The following CD82 variants were observed in gnomAD, a reference collection of about 807,000 sequenced individuals.
The protein encoded by CD82 is CD82 antigen.
A neutral mutation model predicts 37.4 loss-of-function variants in CD82; 36 were observed. The ratio of observed to expected loss-of-function variants is 0.96; its 90% confidence interval spans 0.74 to 1.27. The LOEUF (loss-of-function observed/expected upper bound fraction) is 1.27, where lower values mean the gene tolerates loss of function less well. CD82 is among the 50% of genes most tolerant of loss of function. CD82 has a pLI of 0.00. For synonymous variants in CD82, 158 were observed against 137.4 expected, an observed-to-expected ratio of 1.15 and a Z score of -1.05; for missense variants, 340 against 347.0, an observed-to-expected ratio of 0.98 and a Z score of 0.16.
Position 44,605,074 on chromosome 11 carries a change from G to A in CD82, c.153G>A (p.Ser51=), listed in dbSNP as rs777966335. The A allele has an allele frequency of 9.9e-6, 16 of 1,614,052 alleles. No homozygotes were observed. The highest frequency in any genetic ancestry group is 1.4e-5 in the Non-Finnish European group (16 of 1,180,040). ...FISVLQTSSS[S]LRMGAYVFIG... ...TCCCCCTAGAAACCTCCTCCAGCTC[G>A]CTTAGGATGGGGGCCTATGTCTTCA... is the stretch of plus-strand genomic sequence containing the variant. The change falls in exon 5 of 10, where the codon TCG becomes TCA. Residue 51 remains serine (S), a synonymous_variant. Transcript: ENST00000227155.
rs1231783438 is a variant in CD82 at position 44,619,640 on chromosome 11, C to T, written c.*514C>T. ...TTTAGCCGGGCGCGGTGGCGGGCAC[C>T]TGTAGTCCCAGCTACTTGGGAGGCT... is the stretch of plus-strand genomic sequence containing the variant. On this transcript the variant is annotated 3_prime_UTR_variant, in exon 10 of 10. Coordinates refer to ENST00000227155, the MANE Select transcript of CD82 (RefSeq NM_002231.4). 1 of 153,048 alleles carries T rather than the reference C, an allele frequency of 6.5e-6. No individual in the cohort carries two copies. Among genetic ancestry groups the T allele is most frequent in the Admixed American group, 6.5e-5 (1 of 15,398 alleles). 9.5% of individuals were successfully genotyped at this position (153,048 alleles called of 1,614,324 possible).
intron 1 of CD82, among the ~76,000 whole-genome samples, chr11:44,581,834 T>C (rs767867395): frequency 4.6e-5 from 7 of 152,216 alleles, no homozygotes; most frequent in Non-Finnish European, 8.8e-5. Flanking sequence ...CCTGGTTCCA[T>C]GTGCTGCTGT....
At chr11:44,600,364 G>C in intron 4 of CD82, 134 bp downstream of exon 4, 1 of 798,216 alleles carries the variant, frequency 1.3e-6, no homozygotes, top group Non-Finnish European at 2.1e-6. Flanking sequence ...GATGTGGCGA[G>C]GTCCTGCTGC....
rs1435068956 is a variant in CD82, at chr11:44,597,001, G to C, written c.63+2276G>C. On this transcript the variant is annotated intron_variant, in intron 3 of 9. Transcript: ENST00000227155. The surrounding 1 kb of genome is among the most constrained non-coding windows in gnomAD (Gnocchi z 4.1). ...AAAGGCTTCCTGGGGTTCTGGGTGT[G>C]GCTTTGGAGAGGGGGATCCTGGCAG... 2.2e-6 allele frequency: 1 copy of C among 456,216 alleles called. No individual in the cohort carries two copies. The allele number at this position is 456,216 out of a possible 1,614,324, so 28.3% of individuals were successfully genotyped here. A position where few individuals can be genotyped will look rare whatever the true frequency, so the allele number is the denominator to read the frequency against.
intron 7 of CD82, among the ~76,000 whole-genome samples, chr11:44,616,307 T>C (rs1853563455): frequency 6.6e-6 from 1 of 151,914 alleles, no homozygotes; most frequent in Admixed American, 6.6e-5. Flanking sequence ...AGATCAGGTG[T>C]GGGGGTTGTG....
chr11:44,618,784 GC>G, intron 9 of CD82, 61 bp downstream of exon 9: 1 of 1,440,596 alleles, frequency 6.9e-7, no homozygotes, highest in Non-Finnish European at 9.6e-7. Flanking sequence ...TCTCTGTTCT[GC>G]TGATCTCCTT....
chr11:44,609,052 C>T (rs751938205), intron 6 of CD82, among the ~76,000 whole-genome samples: 19 of 152,240 alleles, frequency 1.2e-4, no homozygotes, highest in Non-Finnish European at 2.2e-4. Flanking sequence ...CTGCTGCCCT[C>T]GTTGTCAGCA....
chr11:44,585,337 T>C (rs1490446454), intron 1 of CD82: 6 of 456,212 alleles, frequency 1.3e-5, no homozygotes, highest in East Asian at 1.4e-4. Flanking sequence ...AGGAACTTTA[T>C]AGATACAAAC....
chr11:44,593,927 G>A (rs1853181632), intron 2 of CD82, among the ~76,000 whole-genome samples: 1 of 151,864 alleles, frequency 6.6e-6, no homozygotes. Flanking sequence ...GAAGATTGTA[G>A]AATGAAAAAA....
chr11:44,597,016 G>T lies in CD82; in HGVS notation c.63+2291G>T, dbSNP rs754976758. On this transcript the variant is annotated intron_variant, in intron 3 of 9. Coordinates refer to ENST00000227155, the MANE Select transcript of CD82 (RefSeq NM_002231.4). This position sits in a 1 kb window ranked among gnomAD's most constrained non-coding sequence, Gnocchi z 4.1. ...TTCTGGGTGTGGCTTTGGAGAGGGG[G>T]ATCCTGGCAGCAGGGGCAGCCGGTG... 4.4e-6 allele frequency: 2 copies of T among 456,086 alleles called. No homozygotes were observed. Among genetic ancestry groups the T allele is most frequent in the Admixed American group, 2.3e-5 (1 of 42,584 alleles). The allele number at this position is 456,086 out of a possible 1,614,324, so 28.3% of individuals were successfully genotyped here. A position where few individuals can be genotyped will look rare whatever the true frequency, so the allele number is the denominator to read the frequency against.
intron 4 of CD82, 131 bp downstream of exon 4, chr11:44,600,361 C>T (rs1373720978): frequency 9.9e-6 from 8 of 810,502 alleles, no homozygotes; most frequent in South Asian, 4.8e-5. Context: ...AGGGATGTGG[C>T]GAGGTCCTGC....
At position 44,585,348 on chromosome 11, in the gene CD82, T is replaced by G. The variant is rs191859405; in HGVS notation, c.-102-2127T>G. On this transcript the variant is annotated intron_variant, in intron 1 of 9. Transcript: ENST00000227155. ...TGCCAGGAACTTTATAGATACAAAC[T>G]CTTTAAGCCTGACCACAACCCATTA... is the stretch of plus-strand genomic sequence containing the variant. 6 of 456,156 alleles carry G rather than the reference T, an allele frequency of 1.3e-5. No homozygotes were observed. In the East Asian group the frequency reaches 3.5e-4, roughly 26 times the overall value. 28.3% of individuals were successfully genotyped at this position (456,156 alleles called of 1,614,324 possible). A position where few individuals can be genotyped will look rare whatever the true frequency, so the allele number is the denominator to read the frequency against.
At position 44,618,414 on chromosome 11, in the gene CD82, G is replaced by T. The variant is rs369190882; in HGVS notation, c.642+49G>T. ...GGGCGGGGCTCCGAGGGCGTTGGGG[G>T]CCATCTGGGCTACTGCTCAGCAATT... On this transcript the variant is annotated intron_variant, in intron 8 of 9. Transcript: ENST00000227155. 6 of 1,513,662 alleles carry T rather than the reference G, an allele frequency of 4.0e-6. No individual in the cohort carries two copies. The African/African-American group carries it at 4.1e-5, about 10-fold the overall frequency. 93.8% of individuals were successfully genotyped at this position (1,513,662 alleles called of 1,614,324 possible).
intron 4 of CD82, 142 bp from the exon 5 acceptor site, chr11:44,604,916 G>T: frequency 8.6e-7 from 1 of 1,166,400 alleles, no homozygotes; most frequent in Non-Finnish European, 1.3e-6. Flanking sequence ...GTTCCCTGTT[G>T]GGCAGTGAGA....
intron 7 of CD82, among the ~76,000 whole-genome samples, chr11:44,617,420 G>A (rs867482894): frequency 2.6e-5 from 4 of 152,032 alleles, no homozygotes; most frequent in Non-Finnish European, 5.9e-5. Flanking sequence ...TTAGCCGGGC[G>A]TGATGGCGAG....
chr11:44,593,826 G>T (rs771399294), intron 2 of CD82, among the ~76,000 whole-genome samples: 4 of 152,062 alleles, frequency 2.6e-5, no homozygotes, highest in African/African-American at 7.2e-5. Flanking sequence ...GGGGGACTCT[G>T]TGAGCCCCCA....
chr11:44,611,349 G>A (rs183427726), intron 6 of CD82, among the ~76,000 whole-genome samples: 137 of 152,248 alleles, frequency 9.0e-4, no homozygotes, highest in South Asian at 2.3e-3. Context: ...CTCCCTTCTC[G>A]GGCAGGCTGT....
At position 44,619,141 on chromosome 11, in the gene CD82, C is replaced by T. The variant is rs1291506358; in HGVS notation, c.*15C>T. The T allele has an allele frequency of 1.9e-6, 3 of 1,607,138 alleles. No individual in the cohort carries two copies. The highest frequency in any genetic ancestry group is 2.2e-5 in the East Asian group (1 of 44,796). On this transcript the variant is annotated 3_prime_UTR_variant, in exon 10 of 10. Coordinates refer to ENST00000227155, the MANE Select transcript of CD82 (RefSeq NM_002231.4). ...CCAAGTACTGAGGCAGCTGCTATCC[C>T]CATCTCCCTGCCTGGCCCCCAACCT...
chr11:44,565,397 G>C (rs1405089178), upstream of CD82, among the ~76,000 whole-genome samples: 1 of 151,920 alleles, frequency 6.6e-6, no homozygotes, highest in African/African-American at 2.4e-5. Flanking sequence ...AATCCCCAGT[G>C]TAACCTGGGG....
Sources: gnomAD v4.1 joint callset for allele counts (sites outside exome capture counted in the v4.1 genomes callset) on GRCh38, gnomAD v4.1.1 for gene constraint, Gnocchi (gnomAD v3.1) non-coding constraint, MANE v1.5 for transcripts, NCBI Gene and HGNC (gene_info 2026-07-23, HGNC 2026-07-21) for gene names.